Variants in HDAC9 observed in about 807,000 individuals in gnomAD.
HDAC9 encodes the protein histone deacetylase 9.
HDAC9 carries 41 observed loss-of-function variants against 139.4 expected under a neutral mutation model. That is an observed-to-expected ratio of 0.29 (90% CI 0.23 to 0.38). The LOEUF (loss-of-function observed/expected upper bound fraction) is 0.38. Among genes scored for constraint, HDAC9 ranks in the 10% least tolerant of loss-of-function variants. The pLI, the probability that HDAC9 is intolerant of heterozygous loss-of-function variation, is 1.00. For missense variants in HDAC9, 1,147 were observed against 1,297.0 expected (o/e 0.88, Z 1.78); for synonymous variants, 517 against 476.2 (o/e 1.09, Z -1.12).
chr7:18,970,665 C>T (rs1223265684), intron 24 of HDAC9, among the ~76,000 whole-genome samples: 3 of 152,064 alleles, frequency 2.0e-5, no homozygotes, highest in Non-Finnish European at 4.4e-5. Context: ...TTTAGAAAAT[C>T]CATAGACCTC....
intron 2 of HDAC9, among the ~76,000 whole-genome samples, chr7:18,250,472 C>T (rs983127165): frequency 1.3e-5 from 2 of 152,250 alleles, no homozygotes; most frequent in African/African-American, 4.8e-5. Flanking sequence ...TTCCATCATC[C>T]CACTTTTCTC....
intron 2 of HDAC9, among the ~76,000 whole-genome samples, chr7:18,569,056 A>G (rs1321048490): frequency 6.8e-6 from 1 of 146,812 alleles, no homozygotes; most frequent in African/African-American, 2.5e-5. Context: ...TCAAAAAAAT[A>G]AATAAATAAA....
chr7:18,759,966 T>G (rs1471647505), intron 14 of HDAC9, among the ~76,000 whole-genome samples: 2 of 152,218 alleles, frequency 1.3e-5, no homozygotes, highest in African/African-American at 2.4e-5. Flanking sequence ...GAAACGAATC[T>G]TTATAGACAT....
chr7:18,610,820 C>A (rs911880367), intron 6 of HDAC9, among the ~76,000 whole-genome samples: 1 of 152,198 alleles, frequency 6.6e-6, no homozygotes. Flanking sequence ...TGAAATCTTA[C>A]AATTCCGTTC....
chr7:18,897,326 A>G (rs1304671641), intron 22 of HDAC9, among the ~76,000 whole-genome samples: 1 of 152,010 alleles, frequency 6.6e-6, no homozygotes, highest in African/African-American at 2.4e-5. Context: ...CGCTTATTGA[A>G]TAATTCTCGA....
chr7:18,402,196 G>A (rs2128735115), intron 1 of HDAC9, among the ~76,000 whole-genome samples: 1 of 152,284 alleles, frequency 6.6e-6, no homozygotes, highest in South Asian at 2.1e-4. Flanking sequence ...CAAGGATCTT[G>A]TAGTCTAACC....
intron 2 of HDAC9, among the ~76,000 whole-genome samples, chr7:18,583,770 A>G (rs761637955): frequency 6.6e-6 from 1 of 152,114 alleles, no homozygotes; most frequent in Non-Finnish European, 1.5e-5. Context: ...AAAATCTTTC[A>G]GTTTAATTTT....
intron 23 of HDAC9, among the ~76,000 whole-genome samples, chr7:18,944,186 T>TTCATTAGCATGGAGAG (rs1782211267): frequency 6.6e-6 from 1 of 152,158 alleles, no homozygotes; most frequent in African/African-American, 2.4e-5. Flanking sequence ...TTGATAATAG[T>TTCATTAGCATGGAGAG]TCATTAGCAT....
chr7:18,895,438 A>G (rs1390864259), intron 22 of HDAC9, among the ~76,000 whole-genome samples: 2 of 152,054 alleles, frequency 1.3e-5, no homozygotes, highest in African/African-American at 4.8e-5. Context: ...GAAAAGCTAG[A>G]AGGTGATAAT....
intron 22 of HDAC9, among the ~76,000 whole-genome samples, chr7:18,882,142 G>A (rs1430045485): frequency 6.6e-6 from 1 of 152,092 alleles, no homozygotes; most frequent in African/African-American, 2.4e-5. Flanking sequence ...TTTAAAGTAA[G>A]TCAGATGATT....
At chr7:18,690,636 TA>T (rs1278213240) in intron 12 of HDAC9, among the ~76,000 whole-genome samples, 3 of 152,006 alleles carry the variant, frequency 2.0e-5, no homozygotes, top group Non-Finnish European at 2.9e-5. Flanking sequence ...AAGTACCATT[TA>T]TTTTTTTTAA....
chr7:18,314,037 C>T (rs918148122), intron 1 of HDAC9, among the ~76,000 whole-genome samples: 3 of 152,092 alleles, frequency 2.0e-5, no homozygotes, highest in African/African-American at 7.2e-5. Flanking sequence ...AATTAGATGG[C>T]CAGCTTCCAA....
chr7:18,874,187 C>T (rs925689522), intron 21 of HDAC9, among the ~76,000 whole-genome samples: 1 of 150,780 alleles, frequency 6.6e-6, no homozygotes, highest in African/African-American at 2.4e-5. Flanking sequence ...AAAACAGCCA[C>T]AGACGTATGT....
intron 2 of HDAC9, 107 bp downstream of exon 2, chr7:18,496,431 G>T: frequency 1.1e-6 from 1 of 936,386 alleles, no homozygotes. Flanking sequence ...GCTTTTTCGT[G>T]TTGATGTTGC....
intron 17 of HDAC9, among the ~76,000 whole-genome samples, chr7:18,819,601 G>A (rs114544132): frequency 0.019 from 2,872 of 151,896 alleles, 95 homozygotes; most frequent in African/African-American, 0.065. Context: ...TTGTACTTCC[G>A]CATATGGTCC....
At chr7:18,934,155 G>A (rs1197315157) in intron 22 of HDAC9, among the ~76,000 whole-genome samples, 10 of 151,986 alleles carry the variant, frequency 6.6e-5, no homozygotes, top group Admixed American at 5.9e-4. Flanking sequence ...AACTTAGGAC[G>A]ATATAGAAAG....
intron 2 of HDAC9, among the ~76,000 whole-genome samples, chr7:18,221,782 C>T (rs1183238479): frequency 6.6e-6 from 1 of 151,964 alleles, no homozygotes; most frequent in Non-Finnish European, 1.5e-5. Flanking sequence ...TTGATTTTTT[C>T]TGAGGGATAT....
At position 18,392,315 on chromosome 7, in the gene HDAC9, T is replaced by TCACACACA. The variant is rs57932620; in HGVS notation, c.-42+101830_-42+101837dup. On this transcript the variant is annotated intron_variant, in intron 1 of 3. Coordinates refer to the HDAC9 transcript ENST00000413509. The stretch of plus-strand genomic sequence containing the variant: ...GTCTCTCTCTCTCTCTCTCTCTCTC[T>TCACACACA]CACACACACACACACACACACACAC... Among the ~76,000 whole-genome samples, 1,148 of 119,310 alleles carry TCACACACA rather than the reference T, an allele frequency of 9.6e-3. 8 individuals are homozygous for TCACACACA. Among genetic ancestry groups the TCACACACA allele is most frequent in the Middle Eastern group, 0.013 (3 of 234 alleles). The allele number at this position is 119,310 out of a possible 152,430, so 78.3% of individuals were successfully genotyped here.
chr7:18,142,222 A>G (rs184401876), intron 1 of HDAC9, among the ~76,000 whole-genome samples: 7 of 152,294 alleles, frequency 4.6e-5, no homozygotes, highest in African/African-American at 1.7e-4. Context: ...TTTAGGTGAT[A>G]TAGAAAGGAT....
Sources: gnomAD v4.1 joint callset for allele counts (sites outside exome capture counted in the v4.1 genomes callset) on GRCh38, gnomAD v4.1.1 for gene constraint, MANE v1.5 for transcripts, NCBI Gene and HGNC (gene_info 2026-07-23, HGNC 2026-07-21) for gene names.